The following MAP3K5 variants were observed in gnomAD, a reference collection of about 807,000 sequenced individuals.
The protein encoded by MAP3K5 is ASK-1.
In MAP3K5, 56 loss-of-function variants were observed where a neutral mutation model predicts 158.7. That is an observed-to-expected ratio of 0.35 (90% CI 0.28 to 0.44). The LOEUF (loss-of-function observed/expected upper bound fraction) is 0.44, where lower values mean the gene tolerates loss of function less well. Ranked by LOEUF, MAP3K5 falls within the 20% of genes least tolerant of loss-of-function variation. The pLI, the probability that MAP3K5 is intolerant of heterozygous loss-of-function variation, is 1.00. For synonymous variants in MAP3K5, 579 were observed against 601.7 expected (o/e 0.96, Z 0.55); for missense variants, 1,294 against 1,674.8 (o/e 0.77, Z 3.97).
At chr6:136,658,749 A>G (rs558534204) in intron 9 of MAP3K5, among the ~76,000 whole-genome samples, 4 of 152,380 alleles carry the variant, frequency 2.6e-5, no homozygotes, top group African/African-American at 9.6e-5. Flanking sequence ...CAAATATAAG[A>G]AACACTCAAA....
intron 19 of MAP3K5, 84 bp downstream of exon 19, chr6:136,605,109 TTAGCACCCTTTATCTA>T: frequency 1.6e-6 from 2 of 1,222,772 alleles, no homozygotes; most frequent in Non-Finnish European, 2.3e-6. Flanking sequence ...TTGTGTTTAC[TTAGCACCCTTTATCTA>T]AAAAAATATG....
chr6:136,744,002 G>A (rs1782824512), intron 1 of MAP3K5, among the ~76,000 whole-genome samples: 1 of 152,200 alleles, frequency 6.6e-6, no homozygotes, highest in Non-Finnish European at 1.5e-5. Context: ...GGTTGCCAAG[G>A]GTTGTGAGGA....
intron 14 of MAP3K5, among the ~76,000 whole-genome samples, chr6:136,631,734 T>C (rs1777366065): frequency 6.6e-6 from 1 of 152,146 alleles, no homozygotes; most frequent in Non-Finnish European, 1.5e-5. Flanking sequence ...CAACCTAATA[T>C]TAAAACAACT....
At chr6:136,649,057 C>T (rs1251788860) in intron 11 of MAP3K5, among the ~76,000 whole-genome samples, 1 of 152,194 alleles carries the variant, frequency 6.6e-6, no homozygotes, top group African/African-American at 2.4e-5. Context: ...GCAACCTCTG[C>T]CTCCCGGGTT....
intron 15 of MAP3K5, among the ~76,000 whole-genome samples, chr6:136,617,725 G>A (rs568850510): frequency 6.6e-6 from 1 of 152,292 alleles, no homozygotes; most frequent in South Asian, 2.1e-4. Context: ...CTTGAGGTCA[G>A]GAGTTCAAGA....
chr6:136,656,173 A>G (rs550218216), intron 10 of MAP3K5, 134 bp downstream of exon 10: 3 of 677,434 alleles, frequency 4.4e-6, no homozygotes, highest in Non-Finnish European at 7.8e-6. Context: ...ACCAATGTGC[A>G]GGAAATAAAG....
intron 1 of MAP3K5, among the ~76,000 whole-genome samples, chr6:136,785,190 T>C (rs1468889199): frequency 6.6e-6 from 1 of 152,222 alleles, no homozygotes; most frequent in African/African-American, 2.4e-5. Context: ...TTTATTGTTT[T>C]ACCAAATAAG....
intron 8 of MAP3K5, among the ~76,000 whole-genome samples, chr6:136,666,657 C>T (rs187080442): frequency 1.1e-4 from 17 of 152,116 alleles, no homozygotes; most frequent in Admixed American, 4.6e-4. Flanking sequence ...TGTCTTTCCT[C>T]GAAAATCCAT....
intron 11 of MAP3K5, among the ~76,000 whole-genome samples, chr6:136,645,770 G>A (rs1208569368): frequency 6.6e-6 from 1 of 152,178 alleles, no homozygotes; most frequent in Non-Finnish European, 1.5e-5. Context: ...AGTTTTGAAA[G>A]TTGCAGTATA....
intron 11 of MAP3K5, chr6:136,648,030 A>C (rs1443602245): frequency 9.9e-5 from 15 of 152,166 alleles, no homozygotes; most frequent in Non-Finnish European, 1.9e-4. Context: ...CATGTTAGAA[A>C]TGTTGCTGAT....
chr6:136,765,543 C>T lies in MAP3K5; in HGVS notation c.448+26167G>A, dbSNP rs182958370. Among the ~76,000 whole-genome samples, 713 of 151,744 alleles carry T rather than the reference C, an allele frequency of 4.7e-3. 4 individuals are homozygous for T. Among genetic ancestry groups the T allele is most frequent in the African/African-American group, 0.017 (684 of 41,356 alleles). On this transcript the variant is annotated intron_variant, in intron 1 of 29. Transcript: ENST00000359015. ...TTTTTATTTTTTTGAGACAGAGTCT[C>T]GCTCTGTCGCCCAGGCTGGAATACA... is the stretch of plus-strand genomic sequence containing the variant.
intron 15 of MAP3K5, among the ~76,000 whole-genome samples, chr6:136,617,029 A>G (rs1237218222): frequency 6.6e-6 from 1 of 152,102 alleles, no homozygotes; most frequent in Admixed American, 6.6e-5. Context: ...TCAGTTAATT[A>G]TTAATCAAAA....
At chr6:136,791,024 A>G (rs575829435) in intron 1 of MAP3K5, among the ~76,000 whole-genome samples, 1 of 152,366 alleles carries the variant, frequency 6.6e-6, no homozygotes, top group South Asian at 2.1e-4. Flanking sequence ...CAAACTTTCT[A>G]GCCCACCATG....
intron 25 of MAP3K5, among the ~76,000 whole-genome samples, chr6:136,578,381 C>T (rs1039197488): frequency 3.3e-5 from 5 of 152,140 alleles, no homozygotes; most frequent in Admixed American, 6.5e-5. Flanking sequence ...ATCAGGGATC[C>T]GCTGTTTTCC....
intron 1 of MAP3K5, among the ~76,000 whole-genome samples, chr6:136,755,689 CAAAAAAAA>C (rs772339028): frequency 1.9e-4 from 9 of 48,226 alleles, no homozygotes; most frequent in African/African-American, 4.6e-4. Context: ...ACTCTGTCTC[CAAAAAAAA>C]AAAAAAAAAA....
intron 2 of MAP3K5, among the ~76,000 whole-genome samples, chr6:136,719,340 G>A (rs1344219491): frequency 6.6e-6 from 1 of 152,102 alleles, no homozygotes; most frequent in Non-Finnish European, 1.5e-5. Context: ...ACTAATTAAA[G>A]GGGTAAATCT....
At chr6:136,758,154 C>T (rs1268003860) in intron 1 of MAP3K5, among the ~76,000 whole-genome samples, 3 of 152,142 alleles carry the variant, frequency 2.0e-5, no homozygotes, top group African/African-American at 7.2e-5. Flanking sequence ...CTTAGATACA[C>T]TGCAGATCAA....
intron 1 of MAP3K5, among the ~76,000 whole-genome samples, chr6:136,762,868 C>T (rs1783817171): frequency 6.6e-6 from 1 of 152,236 alleles, no homozygotes; most frequent in Admixed American, 6.5e-5. Flanking sequence ...GAATCCACCC[C>T]TTCATTGCCT....
chr6:136,664,861 G>A (rs1251378771), intron 8 of MAP3K5, among the ~76,000 whole-genome samples: 2 of 152,192 alleles, frequency 1.3e-5, no homozygotes, highest in African/African-American at 4.8e-5. Flanking sequence ...AACCTGGGAG[G>A]TGGAGGTTGC....
Sources: gnomAD v4.1 joint callset for allele counts (sites outside exome capture counted in the v4.1 genomes callset) on GRCh38, gnomAD v4.1.1 for gene constraint, MANE v1.5 for transcripts, NCBI Gene and HGNC (gene_info 2026-07-23, HGNC 2026-07-21) for gene names.